The following DNAAF4 variants were observed in gnomAD, a reference collection of about 807,000 sequenced individuals.
DNAAF4 encodes the protein dynein assembly factor 4, axonemal.
Under a neutral mutation model 51.8 loss-of-function variants are expected in DNAAF4, and 43 were observed. The ratio of observed to expected loss-of-function variants is 0.83; its 90% CI spans 0.65 to 1.07. The LOEUF is 1.07. DNAAF4 is among the 50% of genes least tolerant of loss of function. The pLI, the probability that DNAAF4 is intolerant of heterozygous loss-of-function variation, is 0.00. For missense variants in DNAAF4, 581 were observed against 493.0 expected, an observed-to-expected ratio of 1.18 and a Z score of -1.69; for synonymous variants, 194 against 165.6, an observed-to-expected ratio of 1.17 and a Z score of -1.32.
chr15:55,467,399 T>C (rs2058185984), intron 4 of DNAAF4, among the ~76,000 whole-genome samples: 1 of 152,166 alleles, frequency 6.6e-6, no homozygotes, highest in Non-Finnish European at 1.5e-5. Flanking sequence ...ATTAGCTGTA[T>C]GGTCTTAGGC....
intron 1 of DNAAF4, among the ~76,000 whole-genome samples, chr15:55,502,313 C>T (rs143087604): frequency 5.1e-4 from 78 of 151,922 alleles, no homozygotes; most frequent in African/African-American, 1.6e-3. Context: ...GACATGCTAC[C>T]CCAAATTATG....
chr15:55,458,313 T>C (rs2058048714), intron 5 of DNAAF4, among the ~76,000 whole-genome samples: 1 of 151,782 alleles, frequency 6.6e-6, no homozygotes, highest in Admixed American at 6.6e-5. Flanking sequence ...AATGGAAAAG[T>C]CTCCAGAGAA....
intron 4 of DNAAF4, among the ~76,000 whole-genome samples, chr15:55,469,278 C>G (rs942197220): frequency 6.7e-6 from 1 of 149,406 alleles, no homozygotes; most frequent in African/African-American, 2.5e-5. Flanking sequence ...TGCAGTGAGC[C>G]GAGATAAAGC....
intron 7 of DNAAF4, chr15:55,418,711 AACT>A: frequency 1.6e-6 from 1 of 618,262 alleles, no homozygotes; most frequent in East Asian, 2.9e-5. Flanking sequence ...TTCAACTGAT[AACT>A]ACATGACAGT....
At chr15:55,464,897 G>A (rs936524162) in intron 5 of DNAAF4, among the ~76,000 whole-genome samples, 3 of 152,190 alleles carry the variant, frequency 2.0e-5, no homozygotes, top group Non-Finnish European at 4.4e-5. Flanking sequence ...AGAGGTTGTG[G>A]TGAGCCGAGA....
chr15:55,488,722 C>A (rs148662529), intron 4 of DNAAF4, among the ~76,000 whole-genome samples: 1 of 152,220 alleles, frequency 6.6e-6, no homozygotes, highest in African/African-American at 2.4e-5. Context: ...TAACCCGTAT[C>A]TTCATATTTT....
intron 4 of DNAAF4, among the ~76,000 whole-genome samples, chr15:55,483,746 C>T (rs1053898944): frequency 6.3e-5 from 9 of 142,278 alleles, no homozygotes; most frequent in Non-Finnish European, 1.1e-4. Flanking sequence ...AGGCTGGTCT[C>T]GGATTCCTGA....
intron 3 of DNAAF4, among the ~76,000 whole-genome samples, chr15:55,492,539 G>A (rs1049280205): frequency 2.6e-5 from 4 of 151,878 alleles, no homozygotes; most frequent in Non-Finnish European, 5.9e-5. Flanking sequence ...AAATAAAATT[G>A]TGATATACTT....
intron 7 of DNAAF4, among the ~76,000 whole-genome samples, chr15:55,438,356 A>C (rs2057651726): frequency 6.6e-6 from 1 of 151,962 alleles, no homozygotes; most frequent in Non-Finnish European, 1.5e-5. Flanking sequence ...TGTCTCAAAA[A>C]AAAAAAAAAA....
At chr15:55,452,743 T>A (rs2141467278) in intron 5 of DNAAF4, among the ~76,000 whole-genome samples, 1 of 152,330 alleles carries the variant, frequency 6.6e-6, no homozygotes, top group South Asian at 2.1e-4. Flanking sequence ...AGGAAATGCT[T>A]CATCATCGAA....
intron 6 of DNAAF4, among the ~76,000 whole-genome samples, chr15:55,444,012 T>G (rs996671442): frequency 4.1e-4 from 63 of 152,252 alleles, no homozygotes; most frequent in African/African-American, 1.3e-3. Flanking sequence ...ACTCTGATGG[T>G]AGTTTCTTTT....
At chr15:55,441,751 T>C (rs2057718243) in intron 6 of DNAAF4, among the ~76,000 whole-genome samples, 1 of 152,212 alleles carries the variant, frequency 6.6e-6, no homozygotes, top group Non-Finnish European at 1.5e-5. Context: ...ACTCATCCTT[T>C]TTTATGGCTG....
chr15:55,473,221 ATGTG>A (rs1269364939), intron 4 of DNAAF4, among the ~76,000 whole-genome samples: 4 of 97,170 alleles, frequency 4.1e-5, no homozygotes, highest in African/African-American at 1.7e-4. Flanking sequence ...ATATATATAT[ATGTG>A]TGTGTGTATA....
chr15:55,478,259 G>A (rs994361117), intron 4 of DNAAF4, among the ~76,000 whole-genome samples: 1 of 152,182 alleles, frequency 6.6e-6, no homozygotes, highest in Admixed American at 6.5e-5. Flanking sequence ...ATAAAGTCAG[G>A]CATTTCACCC....
intron 1 of DNAAF4, among the ~76,000 whole-genome samples, chr15:55,499,132 G>A (rs1197665090): frequency 1.3e-5 from 2 of 152,014 alleles, no homozygotes; most frequent in Non-Finnish European, 2.9e-5. Flanking sequence ...CAAATTTCTT[G>A]GTCATACAGA....
At chr15:55,421,828 G>C (rs1031512857) in intron 7 of DNAAF4, among the ~76,000 whole-genome samples, 3 of 151,418 alleles carry the variant, frequency 2.0e-5, no homozygotes, top group Non-Finnish European at 4.4e-5. Context: ...GGCGGAGGTT[G>C]CGGTGAGCCG....
At chr15:55,450,503 G>T (rs1182009340) in intron 5 of DNAAF4, 136 bp from the exon 6 acceptor site, 4 of 1,063,938 alleles carry the variant, frequency 3.8e-6, no homozygotes, top group African/African-American at 1.6e-5. Flanking sequence ...TGCAAGAAAA[G>T]AATGCAAAAT....
chr15:55,505,203 C>G (rs2058720609), intron 1 of DNAAF4, among the ~76,000 whole-genome samples: 2 of 152,168 alleles, frequency 1.3e-5, no homozygotes, highest in African/African-American at 4.8e-5. Context: ...AAATGCAAAT[C>G]AAAACCACAG....
At position 55,439,553 on chromosome 15, in the gene DNAAF4, C is replaced by A; in HGVS notation, c.812G>T (p.Arg271Ile). 4 of 1,614,000 alleles carry A rather than the reference C, an allele frequency of 2.5e-6. No homozygotes were observed. Among genetic ancestry groups the A allele is most frequent in the Non-Finnish European group, 2.5e-6 (3 of 1,179,968 alleles). Residue 271 changes from arginine (R) to isoleucine (I), a missense_variant, in exon 7 of 10, where the codon AGA becomes ATA. Arg to Ile is a moderately conservative substitution (Grantham distance 97). Coordinates refer to ENST00000321149, the MANE Select transcript of DNAAF4 (RefSeq NM_130810.4). ...TTCAGCTATGTCAGTATTCATTGCTCTTCGTGCCTCAGCTTGTTTGTGTAG... is the reference window on the plus strand; with the variant it reads ...TTCAGCTATGTCAGTATTCATTGCTATTCGTGCCTCAGCTTGTTTGTGTAG... ...EWLHKQAEAR[R>I]AMNTDIAELC...
Sources: gnomAD v4.1 joint callset for allele counts (sites outside exome capture counted in the v4.1 genomes callset) on GRCh38, gnomAD v4.1.1 for gene constraint, MANE v1.5 for transcripts, NCBI Gene and HGNC (gene_info 2026-07-23, HGNC 2026-07-21) for gene names.